Variants in ZNF573 observed in about 807,000 individuals in gnomAD.
ZNF573 encodes the protein zinc finger protein 573.
ZNF573 carries 41 observed loss-of-function variants against 57.4 expected under a neutral mutation model. The ratio of observed to expected loss-of-function variants is 0.71; its 90% CI spans 0.56 to 0.93. The LOEUF is 0.93. Ranked by LOEUF, ZNF573 falls within the 40% of genes least tolerant of loss-of-function variation. The pLI, the probability that ZNF573 is intolerant of heterozygous loss-of-function variation, is 0.00. For missense variants in ZNF573, 730 were observed against 794.8 expected, an observed-to-expected ratio of 0.92 and a Z score of 0.98; for synonymous variants, 249 against 261.0, an observed-to-expected ratio of 0.95 and a Z score of 0.44.
rs768094297 is a variant in ZNF573, at chr19:37,738,764, GA to G, written c.1725del (p.His576MetfsTer88). 4 of 1,614,006 alleles carry G rather than the reference GA, an allele frequency of 2.5e-6. No individual in the cohort carries two copies. The highest frequency in any genetic ancestry group is 3.4e-6 in the Non-Finnish European group (4 of 1,179,996). On this transcript the variant is annotated frameshift_variant, in exon 5 of 5. Coordinates refer to ENST00000536220, the MANE Select transcript of ZNF573 (RefSeq NM_001172690.2). LOFTEE classifies it high-confidence loss of function. ...RSSHLTAHQS[I>X]HADKKPYECK... ...CATTCATAGGGTTTTTTATCAGCAT[GA>G]ATGCTCTGATGTGCAGTAAGGTGTG...
At chr19:37,767,886 A>C (rs1599704916) in intron 4 of ZNF573, among the ~76,000 whole-genome samples, 1 of 152,196 alleles carries the variant, frequency 6.6e-6, no homozygotes, top group East Asian at 1.9e-4. Context: ...ATTGGAGAAA[A>C]AATAAAAGGA....
intron 1 of ZNF573, among the ~76,000 whole-genome samples, chr19:37,777,714 T>C (rs2045722337): frequency 1.4e-5 from 2 of 146,010 alleles, no homozygotes; most frequent in South Asian, 2.3e-4. Context: ...CACTCCAGCC[T>C]GGCCATAGAG....
intron 4 of ZNF573, among the ~76,000 whole-genome samples, chr19:37,765,579 A>G (rs1008137259): frequency 1.3e-5 from 2 of 152,064 alleles, no homozygotes; most frequent in African/African-American, 4.8e-5. Context: ...GTGTGGTGGC[A>G]CGTGCCTGTA....
chr19:37,765,493 G>A (rs915346356), intron 4 of ZNF573, among the ~76,000 whole-genome samples: 8 of 151,632 alleles, frequency 5.3e-5, no homozygotes, highest in East Asian at 2.0e-4. Context: ...GGCGGATCAC[G>A]GGAGGTCGGG....
At chr19:37,769,057 T>G (rs546819955) in intron 4 of ZNF573, among the ~76,000 whole-genome samples, 1 of 151,148 alleles carries the variant, frequency 6.6e-6, no homozygotes, top group Non-Finnish European at 1.5e-5. Flanking sequence ...CTCTGCCACC[T>G]GGGTTCAAGC....
chr19:37,760,594 C>G (rs533277644), intron 4 of ZNF573, among the ~76,000 whole-genome samples: 38 of 151,940 alleles, frequency 2.5e-4, no homozygotes, highest in Non-Finnish European at 4.3e-4. Flanking sequence ...GAGGCCGCGG[C>G]GGGCAGATCA....
intron 4 of ZNF573, among the ~76,000 whole-genome samples, chr19:37,742,615 G>A (rs140652381): frequency 0.027 from 4,083 of 152,166 alleles, 190 homozygotes; most frequent in African/African-American, 0.092. Context: ...GGGAAAACTG[G>A]GTAGCCATAT....
chr19:37,749,445 C>G (rs765295925), intron 4 of ZNF573, among the ~76,000 whole-genome samples: 3 of 151,726 alleles, frequency 2.0e-5, no homozygotes, highest in Non-Finnish European at 4.4e-5. Flanking sequence ...TTATTTTTAA[C>G]CAAATAATAG....
intron 1 of ZNF573, among the ~76,000 whole-genome samples, chr19:37,774,476 T>C (rs1306740303): frequency 1.3e-5 from 2 of 151,958 alleles, no homozygotes; most frequent in Non-Finnish European, 1.5e-5. Context: ...TCAGAATCAG[T>C]TGAAATTGGT....
At chr19:37,750,680 T>C (rs191770596) in intron 4 of ZNF573, among the ~76,000 whole-genome samples, 2 of 152,028 alleles carry the variant, frequency 1.3e-5, no homozygotes, top group Admixed American at 6.6e-5. Flanking sequence ...AGAGTATTTA[T>C]ATAAATTGTT....
chr19:37,758,933 G>A, intron 4 of ZNF573: 1 of 316,032 alleles, frequency 3.2e-6, no homozygotes, highest in Non-Finnish European at 4.6e-6. Context: ...TATCAGGAAG[G>A]CTGCTATTTT....
At chr19:37,745,356 T>G (rs1181988370) in intron 4 of ZNF573, among the ~76,000 whole-genome samples, 2 of 151,838 alleles carry the variant, frequency 1.3e-5, no homozygotes, top group Non-Finnish European at 1.5e-5. Flanking sequence ...GTGTTAGGAT[T>G]ACAGACGTGA....
intron 4 of ZNF573, among the ~76,000 whole-genome samples, chr19:37,752,709 A>C (rs1393181721): frequency 6.6e-6 from 1 of 152,066 alleles, no homozygotes; most frequent in African/African-American, 2.4e-5. Context: ...ATCATGGCTC[A>C]CTGCAGCCTC....
intron 4 of ZNF573, among the ~76,000 whole-genome samples, chr19:37,754,219 T>C (rs1338345254): frequency 6.6e-6 from 1 of 152,178 alleles, no homozygotes; most frequent in Non-Finnish European, 1.5e-5. Context: ...AAAGCTAGCA[T>C]ATCAAATAAT....
intron 4 of ZNF573, among the ~76,000 whole-genome samples, chr19:37,746,265 C>T (rs760772024): frequency 6.6e-6 from 1 of 152,128 alleles, no homozygotes; most frequent in Non-Finnish European, 1.5e-5. Flanking sequence ...TATATACAAA[C>T]ACTACTCAAG....
chr19:37,747,105 AGTAAT>A (rs2045391084), intron 4 of ZNF573, among the ~76,000 whole-genome samples: 1 of 151,462 alleles, frequency 6.6e-6, no homozygotes, highest in African/African-American at 2.4e-5. Context: ...TGGCAAAAGA[AGTAAT>A]GTAATATTTG....
intron 4 of ZNF573, among the ~76,000 whole-genome samples, chr19:37,753,712 G>C (rs369542500): frequency 2.6e-5 from 4 of 152,212 alleles, no homozygotes; most frequent in African/African-American, 9.6e-5. Flanking sequence ...CATACTATTA[G>C]AGTTCTATGA....
At position 37,751,930 on chromosome 19, in the gene ZNF573, G is replaced by A. The variant is rs1321634137; in HGVS notation, c.296-11736C>T. Among the ~76,000 whole-genome samples the A allele has an allele frequency of 2.7e-4, 18 of 67,402 alleles. 1 individual carries two copies. The highest frequency in any genetic ancestry group is 5.0e-4 in the Admixed American group (3 of 5,990). The allele number at this position is 67,402 out of a possible 152,430, so 44.2% of individuals were successfully genotyped here. ...TATACTGTATATAGTACATAGTACC[G>A]TATATATACTGTATATAGTACATAG... On this transcript the variant is annotated intron_variant, in intron 4 of 4. Coordinates refer to ENST00000536220, the MANE Select transcript of ZNF573 (RefSeq NM_001172690.2).
At chr19:37,757,452 C>T (rs554422891) in intron 4 of ZNF573, among the ~76,000 whole-genome samples, 2 of 152,018 alleles carry the variant, frequency 1.3e-5, no homozygotes, top group African/African-American at 4.8e-5. Context: ...CTGCCTCAGA[C>T]TCCCAAAGTG....
Sources: gnomAD v4.1 joint callset for allele counts (sites outside exome capture counted in the v4.1 genomes callset) on GRCh38, gnomAD v4.1.1 for gene constraint, MANE v1.5 for transcripts, NCBI Gene and HGNC (gene_info 2026-07-23, HGNC 2026-07-21) for gene names.